The following FREM1 variants were observed in gnomAD, a reference collection of about 807,000 sequenced individuals.
The protein encoded by FREM1 is FRAS1 related extracellular matrix 1, also known as FRAS1-related extracellular matrix protein 1.
In FREM1, 220 loss-of-function variants were observed where a neutral mutation model predicts 210.1. The ratio of observed to expected loss-of-function variants is 1.05; its 90% confidence interval spans 0.94 to 1.17. The LOEUF (loss-of-function observed/expected upper bound fraction) is 1.17, where lower values mean the gene tolerates loss of function less well. Ranked by LOEUF, FREM1 falls within the 50% of genes most tolerant of loss-of-function variation. The probability of loss-of-function intolerance (pLI) is 0.00; values close to 1 mark genes in which losing one functional copy is unlikely to be tolerated. For synonymous variants in FREM1, 1,189 were observed against 980.2 expected, an observed-to-expected ratio of 1.21 and a Z score of -3.98; for missense variants, 3,454 against 2,675.5, an observed-to-expected ratio of 1.29 and a Z score of -6.42.
chr9:14,844,225 C>CTTTTTT (rs35686371), intron 8 of FREM1, among the ~76,000 whole-genome samples: 2 of 138,782 alleles, frequency 1.4e-5, no homozygotes, highest in Non-Finnish European at 3.1e-5. Flanking sequence ...ACAACTCTTC[C>CTTTTTT]TTTTTTTTTT....
At chr9:14,789,533 C>T (rs1364240051) in intron 22 of FREM1, among the ~76,000 whole-genome samples, 2 of 152,084 alleles carry the variant, frequency 1.3e-5, no homozygotes, top group Non-Finnish European at 2.9e-5. Flanking sequence ...GTCAAATATA[C>T]TTTTTTTCAA....
intron 1 of FREM1, among the ~76,000 whole-genome samples, chr9:14,888,044 C>T (rs1836129244): frequency 6.6e-6 from 1 of 152,134 alleles, no homozygotes; most frequent in Non-Finnish European, 1.5e-5. Flanking sequence ...GTGATCCGCC[C>T]TCCTCAGCCT....
At chr9:14,773,953 G>A in intron 25 of FREM1, 3 of 401,944 alleles carry the variant, frequency 7.5e-6, no homozygotes, top group Non-Finnish European at 1.4e-5. Context: ...TAGGTTAGGG[G>A]AGTTAGGAAT....
intron 5 of FREM1, among the ~76,000 whole-genome samples, chr9:14,852,298 TC>T (rs1185052367): frequency 6.6e-6 from 1 of 152,124 alleles, no homozygotes; most frequent in Non-Finnish European, 1.5e-5. Context: ...GCATGCATCC[TC>T]CCAAAATGAG....
intron 10 of FREM1, among the ~76,000 whole-genome samples, chr9:14,835,253 G>C (rs1046399677): frequency 1.9e-4 from 29 of 152,200 alleles, no homozygotes; most frequent in Non-Finnish European, 4.0e-4. Context: ...TAATAATTGA[G>C]TAAGGTATAC....
intron 19 of FREM1, 29 bp downstream of exon 19, chr9:14,804,927 G>A: frequency 6.5e-7 from 1 of 1,529,726 alleles, no homozygotes; most frequent in African/African-American, 1.4e-5. Flanking sequence ...TGATAAAAGA[G>A]AAATGGAACA....
intron 29 of FREM1, 110 bp from the exon 30 acceptor site, chr9:14,750,386 G>A (rs895496856): frequency 3.1e-5 from 25 of 795,464 alleles, no homozygotes; most frequent in Non-Finnish European, 4.8e-5. Context: ...TAGCCCGAGT[G>A]AGCTATTGTA....
At chr9:14,861,581 A>T (rs1830601965) in intron 3 of FREM1, among the ~76,000 whole-genome samples, 2 of 139,300 alleles carry the variant, frequency 1.4e-5, no homozygotes, top group Non-Finnish European at 3.0e-5. Context: ...ATCTCGGCTC[A>T]CCGCAACCTC....
At chr9:14,845,892 T>C in intron 8 of FREM1, 68 bp downstream of exon 8, 1 of 1,507,778 alleles carries the variant, frequency 6.6e-7, no homozygotes, top group Non-Finnish European at 9.1e-7. Flanking sequence ...ATATATCTGT[T>C]AAATATATCT....
chr9:14,787,836 T>C (rs1850651689), intron 23 of FREM1, among the ~76,000 whole-genome samples: 1 of 152,200 alleles, frequency 6.6e-6, no homozygotes, highest in Non-Finnish European at 1.5e-5. Flanking sequence ...ATAGTTGTTT[T>C]GCAGGGAGAG....
At position 14,831,839 on chromosome 9, in the gene FREM1, T is replaced by C. The variant is rs531333648; in HGVS notation, c.1882-6847A>G. 2.6e-5 allele frequency among the ~76,000 whole-genome samples: 4 copies of C among 152,330 alleles called. No individual in the cohort carries two copies. In the South Asian group the frequency reaches 8.3e-4, roughly 32 times the overall value. ...TGACTAAGGCCCAAAACTCAGTTCC[T>C]CTGGCGCCATGGCTCGGAGGGTCAC... On this transcript the variant is annotated intron_variant, in intron 10 of 36. Coordinates refer to ENST00000380880, the MANE Select transcript of FREM1 (RefSeq NM_001379081.2).
chr9:14,877,708 C>T (rs1422661932), intron 1 of FREM1, among the ~76,000 whole-genome samples: 1 of 152,086 alleles, frequency 6.6e-6, no homozygotes, highest in Non-Finnish European at 1.5e-5. Flanking sequence ...CCTGCCAACA[C>T]CCTGAATGAG....
At chr9:14,902,718 G>A (rs1011439070) in intron 1 of FREM1, among the ~76,000 whole-genome samples, 6 of 152,296 alleles carry the variant, frequency 3.9e-5, no homozygotes, top group African/African-American at 1.2e-4. Flanking sequence ...GAAAGATTCT[G>A]TAAAAGTGCA....
intron 24 of FREM1, chr9:14,779,536 A>G (rs940345914): frequency 2.9e-5 from 28 of 977,820 alleles, no homozygotes; most frequent in Non-Finnish European, 3.4e-5. Flanking sequence ...TGCAGACTGA[A>G]TTGCAAGAAT....
chr9:14,771,641 A>T (rs72709584), intron 25 of FREM1, among the ~76,000 whole-genome samples: 4,847 of 152,236 alleles, frequency 0.032, 104 homozygotes, highest in Non-Finnish European at 0.049. Context: ...CATGTACAAG[A>T]ATCTTCATTC....
Position 14,846,084 on chromosome 9 carries a change from A to T in FREM1, c.1269T>A (p.Ser423Arg). Residue 423 changes from serine to arginine, a missense_variant, in exon 8 of 37, where the codon AGT becomes AGA. By Grantham distance (110) the Ser-to-Arg change is moderately radical. Transcript: ENST00000380880. ...APRVSWNTGL[S>R]LLEGQSRAIT... The stretch of plus-strand genomic sequence containing the variant: ...TGGCTCGAGACTGCCCCTCAAGGAG[A>T]CTCAGACCTATGAAAGAAAGGAGAA... 1 of 1,573,162 alleles carries T rather than the reference A, an allele frequency of 6.4e-7. No individual in the cohort carries two copies. The highest frequency in any genetic ancestry group is 8.6e-7 in the Non-Finnish European group (1 of 1,158,052).
chr9:14,829,653 T>C (rs1025433005), intron 10 of FREM1, among the ~76,000 whole-genome samples: 1 of 152,196 alleles, frequency 6.6e-6, no homozygotes, highest in Non-Finnish European at 1.5e-5. Flanking sequence ...CAAGATGTAG[T>C]TCATTGATCT....
intron 1 of FREM1, among the ~76,000 whole-genome samples, chr9:14,898,977 T>A (rs942929854): frequency 3.9e-5 from 6 of 152,200 alleles, no homozygotes; most frequent in African/African-American, 1.4e-4. Flanking sequence ...TCTACTAATT[T>A]ATAAAAAGTT....
rs1847189822 is a variant in FREM1, at chr9:14,769,778, T to A, written c.5150A>T (p.Asp1717Val). 6.2e-7 allele frequency: 1 copy of A among 1,610,236 alleles called. No individual in the cohort carries two copies. Among genetic ancestry groups the A allele is most frequent in the Admixed American group, 1.7e-5 (1 of 59,852 alleles). ...IINPSLEVNS[D>V]TVEFQIMDPT... Reference sequence around the variant, plus strand: ...GTCCATGATTTGAAATTCCACGGTATCTGAATTTACTTCCAAAGATGGGTT... The same window carrying A: ...GTCCATGATTTGAAATTCCACGGTAACTGAATTTACTTCCAAAGATGGGTT... The change falls in exon 27 of 37, where the codon GAT becomes GTT. Residue 1717 changes from aspartate (D) to valine (V), a missense_variant. Coordinates refer to ENST00000380880, the MANE Select transcript of FREM1 (RefSeq NM_001379081.2).
Sources: allele counts gnomAD v4.1 joint callset (sites outside exome capture counted in the v4.1 genomes callset), GRCh38; gene constraint gnomAD v4.1.1; transcripts MANE v1.5; gene names NCBI Gene and HGNC (gene_info 2026-07-23, HGNC 2026-07-21).